Variants in CEP83 observed in about 807,000 individuals in gnomAD.
The protein encoded by CEP83 is centrosomal protein of 83 kDa.
In CEP83, 70 loss-of-function variants were observed where a neutral mutation model predicts 101.9. That is an observed-to-expected ratio of 0.69 (90% CI 0.57 to 0.84). The LOEUF is 0.84. Among genes scored for constraint, CEP83 ranks in the 40% least tolerant of loss-of-function variants. CEP83 has a pLI of 0.00. For synonymous variants in CEP83, 264 were observed against 267.9 expected, an observed-to-expected ratio of 0.99 and a Z score of 0.14; for missense variants, 715 against 787.2, an observed-to-expected ratio of 0.91 and a Z score of 1.10.
the CEP83 span, among the ~76,000 whole-genome samples, chr12:94,292,242 T>C: frequency 1.3e-5 from 2 of 152,104 alleles, no homozygotes; most frequent in Non-Finnish European, 2.9e-5. Flanking sequence ...ACAGGCAAAA[T>C]TCATAAATGG....
the CEP83 span, among the ~76,000 whole-genome samples, chr12:94,266,055 G>A: frequency 1.3e-5 from 2 of 152,288 alleles, no homozygotes; most frequent in African/African-American, 4.8e-5. Flanking sequence ...TCACGATCTC[G>A]TTAGTGGAGG....
chr12:94,325,514 T>C (rs1328771828), intron 14 of CEP83, among the ~76,000 whole-genome samples: 1 of 152,214 alleles, frequency 6.6e-6, no homozygotes, highest in Non-Finnish European at 1.5e-5. Context: ...CTCCACCTGA[T>C]AGTATTTCTT....
chr12:94,416,730 T>C (rs539164186), intron 2 of CEP83, among the ~76,000 whole-genome samples: 55 of 151,730 alleles, frequency 3.6e-4, no homozygotes, highest in African/African-American at 1.2e-3. Flanking sequence ...TGAACCGTAA[T>C]AAAGCTCAAT....
intron 6 of CEP83, among the ~76,000 whole-genome samples, chr12:94,396,075 T>C (rs921140687): frequency 5.9e-5 from 9 of 152,140 alleles, no homozygotes; most frequent in Non-Finnish European, 1.3e-4. Flanking sequence ...TGAATTACCA[T>C]TGATTATTTC....
At chr12:94,365,173 C>A (rs2060959975) in intron 11 of CEP83, among the ~76,000 whole-genome samples, 1 of 151,330 alleles carries the variant, frequency 6.6e-6, no homozygotes, top group Admixed American at 6.6e-5. Flanking sequence ...GAAAAAAGGC[C>A]AAAAAAACCA....
chr12:94,437,552 C>A (rs1474785562), intron 1 of CEP83, among the ~76,000 whole-genome samples: 1 of 152,212 alleles, frequency 6.6e-6, no homozygotes, highest in Non-Finnish European at 1.5e-5. Context: ...AGAAACCCTA[C>A]AAGCTAGAAG....
intron 2 of CEP83, among the ~76,000 whole-genome samples, chr12:94,432,622 T>C (rs1329841840): frequency 6.6e-6 from 1 of 151,860 alleles, no homozygotes; most frequent in Non-Finnish European, 1.5e-5. Flanking sequence ...TAAAGGGAGG[T>C]TGCTTAATGA....
intron 1 of CEP83, among the ~76,000 whole-genome samples, chr12:94,443,831 A>G (rs1009420400): frequency 1.3e-5 from 2 of 152,142 alleles, no homozygotes; most frequent in Non-Finnish European, 2.9e-5. Context: ...TCCCCTCCAG[A>G]TGCTTTATAA....
At chr12:94,394,663 G>T (rs907918900) in intron 6 of CEP83, among the ~76,000 whole-genome samples, 1 of 152,044 alleles carries the variant, frequency 6.6e-6, no homozygotes, top group Admixed American at 6.6e-5. Context: ...CATGGCAAAA[G>T]AAATTACCAT....
chr12:94,401,873 GTATTAGAAAGATCA>G (rs1566098141), intron 5 of CEP83, among the ~76,000 whole-genome samples: 1 of 152,108 alleles, frequency 6.6e-6, no homozygotes, highest in Non-Finnish European at 1.5e-5. Flanking sequence ...CATTAGGACT[GTATTAGAAAGATCA>G]TATTATCAAG....
At chr12:94,382,529 A>G (rs2061907543) in intron 6 of CEP83, among the ~76,000 whole-genome samples, 1 of 151,492 alleles carries the variant, frequency 6.6e-6, no homozygotes. Context: ...GATATGCTGC[A>G]TTTTCATTTT....
At chr12:94,282,264 ACT>A in the CEP83 span, 10 of 1,444,924 alleles carry the variant, frequency 6.9e-6, no homozygotes, top group African/African-American at 5.6e-5. Flanking sequence ...GCATTTTAAA[ACT>A]CTCTAAAAAG....
chr12:94,440,933 C>A (rs927642002), intron 1 of CEP83, among the ~76,000 whole-genome samples: 3 of 152,004 alleles, frequency 2.0e-5, no homozygotes, highest in African/African-American at 7.2e-5. Context: ...AGTAGAGAAA[C>A]GACAACCTAT....
chr12:94,297,810 T>C, the CEP83 span, among the ~76,000 whole-genome samples: 2 of 152,238 alleles, frequency 1.3e-5, no homozygotes, highest in Admixed American at 1.3e-4. Flanking sequence ...GAAGGGTCAA[T>C]GACTATAAAC....
chr12:94,401,366 A>G (rs2063245391), intron 5 of CEP83: 1 of 152,338 alleles, frequency 6.6e-6, no homozygotes, highest in African/African-American at 2.4e-5. Context: ...AGTAAAACAA[A>G]TTCAAAAGAG....
intron 1 of CEP83, among the ~76,000 whole-genome samples, chr12:94,441,989 C>A (rs547837821): frequency 6.6e-6 from 1 of 151,004 alleles, no homozygotes; most frequent in African/African-American, 2.4e-5. Flanking sequence ...GGGTATCTAC[C>A]CAGAGGAAAA....
At chr12:94,279,743 G>C in the CEP83 span, 4 of 1,096,156 alleles carry the variant, frequency 3.6e-6, no homozygotes, top group Admixed American at 1.9e-5. Context: ...GCCCCCACCA[G>C]CTTCCATTCA....
intron 14 of CEP83, among the ~76,000 whole-genome samples, chr12:94,324,337 T>G (rs895330509): frequency 3.3e-5 from 5 of 152,232 alleles, no homozygotes; most frequent in Admixed American, 1.3e-4. Context: ...GACCTAATTC[T>G]TCTTGTATTA....
chr12:94,307,402 T>G (rs1005100392), downstream of CEP83: 1 of 152,184 alleles, frequency 6.6e-6, no homozygotes, highest in African/African-American at 2.4e-5. Context: ...CTGAAGACAA[T>G]CAGTCACTGG....
Sources: allele counts gnomAD v4.1 joint callset (sites outside exome capture counted in the v4.1 genomes callset), GRCh38; gene constraint gnomAD v4.1.1; transcripts MANE v1.5; gene names NCBI Gene and HGNC (gene_info 2026-07-23, HGNC 2026-07-21).